SETD2: variants seen among roughly 807,000 people sequenced by gnomAD.
The protein encoded by SETD2 is histone-lysine N-methyltransferase SETD2.
Under a neutral mutation model 242.1 loss-of-function variants are expected in SETD2, and 31 were observed. The observed-to-expected ratio is 0.13, with a 90% CI of 0.10 to 0.17. SETD2 has a LOEUF of 0.17. SETD2 is among the 10% of genes least tolerant of loss of function. The pLI is 1.00. For missense variants in SETD2, 2,481 were observed against 3,046.3 expected (o/e 0.81, Z 4.37); for synonymous variants, 1,006 against 1,066.5 (o/e 0.94, Z 1.11).
chr3:47,141,924 T>C (rs2043738681), intron 1 of SETD2, among the ~76,000 whole-genome samples: 1 of 152,072 alleles, frequency 6.6e-6, no homozygotes, highest in Admixed American at 6.6e-5. Context: ...TCAAGTCAAC[T>C]AACACAACTA....
At chr3:47,056,610 C>A (rs2040092461) in intron 15 of SETD2, among the ~76,000 whole-genome samples, 1 of 152,138 alleles carries the variant, frequency 6.6e-6, no homozygotes, top group Non-Finnish European at 1.5e-5. Flanking sequence ...AAACCCTGAG[C>A]CAGATCCACC....
intron 15 of SETD2, among the ~76,000 whole-genome samples, chr3:47,049,829 A>G (rs1323846619): frequency 6.2e-5 from 9 of 144,510 alleles, no homozygotes; most frequent in Non-Finnish European, 1.1e-4. Flanking sequence ...ATATATATAA[A>G]CTTATTCTGA....
chr3:47,025,019 G>T (rs1369556852), intron 18 of SETD2, among the ~76,000 whole-genome samples: 1 of 152,144 alleles, frequency 6.6e-6, no homozygotes, highest in Non-Finnish European at 1.5e-5. Flanking sequence ...ACTCTTCAAA[G>T]AATTATCTGA....
rs766193321 is a variant in SETD2 at position 47,046,509 on chromosome 3, C to T, written c.7076G>A (p.Gly2359Glu). The T allele has an allele frequency of 1.9e-6, 3 of 1,607,886 alleles. No homozygotes were observed. Among genetic ancestry groups the T allele is most frequent in the Non-Finnish European group, 2.5e-6 (3 of 1,176,570 alleles). ...TACTGGCTGCAAGGGCTGAGGCTGC[C>T]CTGGTGCAACTATTGTAGTCACTGC... The part of the protein sequence containing the change: ...AAAVTTIVAP[G>E]QPQPLQPSEM... Residue 2359 changes from glycine (G) to glutamate (E), a missense_variant, in exon 16 of 21, where the codon GGG becomes GAG. Gly to Glu is a moderately conservative substitution (Grantham distance 98). Transcript: ENST00000409792.
At chr3:47,155,001 A>C (rs1397938332) in intron 1 of SETD2, among the ~76,000 whole-genome samples, 2 of 152,252 alleles carry the variant, frequency 1.3e-5, no homozygotes, top group African/African-American at 4.8e-5. Context: ...CTCAAAAAAA[A>C]AAAAATCTTA....
intron 1 of SETD2, among the ~76,000 whole-genome samples, chr3:47,159,076 G>C (rs957442356): frequency 6.6e-6 from 1 of 151,888 alleles, no homozygotes; most frequent in Admixed American, 6.6e-5. Flanking sequence ...CCAGGCTGAA[G>C]ACCAGCCTGG....
At chr3:47,039,993 T>C (rs2039205192) in intron 17 of SETD2, among the ~76,000 whole-genome samples, 1 of 152,054 alleles carries the variant, frequency 6.6e-6, no homozygotes, top group Non-Finnish European at 1.5e-5. Context: ...TTTTTGTTTT[T>C]TGAGATAGAG....
At chr3:47,027,412 G>C (rs375741987) in intron 18 of SETD2, among the ~76,000 whole-genome samples, 141 of 151,632 alleles carry the variant, frequency 9.3e-4, no homozygotes, top group African/African-American at 3.2e-3. Flanking sequence ...GGACTGTTGT[G>C]GGGTGGGTTG....
At chr3:47,026,093 T>C (rs2038463378) in intron 18 of SETD2, among the ~76,000 whole-genome samples, 2 of 152,080 alleles carry the variant, frequency 1.3e-5, no homozygotes, top group African/African-American at 4.8e-5. Flanking sequence ...TACAAAGAAC[T>C]TAAACAAATT....
intron 3 of SETD2, 30 bp from the exon 4 acceptor site, chr3:47,116,784 T>C: frequency 6.9e-7 from 1 of 1,443,132 alleles, no homozygotes; most frequent in Non-Finnish European, 9.6e-7. Flanking sequence ...AAAAACTGAT[T>C]AAATAAATTT....
rs369799172 is a variant in SETD2, at chr3:47,124,420, C to T, written c.216G>A (p.Lys72=). 9.0e-6 allele frequency: 14 copies of T among 1,551,852 alleles called. No individual in the cohort carries two copies. The African/African-American group carries it at 1.9e-4, about 21-fold the overall frequency. Residue 72 remains lysine, a synonymous_variant, in exon 3 of 21, where the codon AAG becomes AAA. Coordinates refer to ENST00000409792, the MANE Select transcript of SETD2 (RefSeq NM_014159.7). ...KVNLEEQGRQ[K]VSFSFSLTKK... ...TTGTAAGGCTGAAGCTGAATGACAC[C>T]TTCTGTCGTCCCTGTTCTTCCAAAT...
At chr3:47,157,551 A>T (rs1405912406) in intron 1 of SETD2, 3 of 455,892 alleles carry the variant, frequency 6.6e-6, no homozygotes, top group Non-Finnish European at 1.3e-5. Context: ...CGTTCTTTCT[A>T]GCTGACTTGT....
chr3:47,051,726 T>C (rs1412323256), intron 15 of SETD2, among the ~76,000 whole-genome samples: 1 of 151,734 alleles, frequency 6.6e-6, no homozygotes, highest in African/African-American at 2.4e-5. Context: ...CGAATTCTAG[T>C]TTTGAAAAAA....
intron 12 of SETD2, among the ~76,000 whole-genome samples, chr3:47,067,406 CTTTTT>C (rs548953692): frequency 3.6e-5 from 3 of 83,900 alleles, no homozygotes; most frequent in African/African-American, 1.0e-4. Context: ...TCCTGAGCAT[CTTTTT>C]TTTTTTTTTT....
intron 12 of SETD2, among the ~76,000 whole-genome samples, chr3:47,075,252 GA>G (rs939450560): frequency 1.3e-4 from 19 of 151,744 alleles, no homozygotes; most frequent in African/African-American, 4.4e-4. Context: ...TTCTAAATCA[GA>G]AGCAGATTAA....
chr3:47,050,666 C>G (rs1405633510), intron 15 of SETD2, among the ~76,000 whole-genome samples: 2 of 150,352 alleles, frequency 1.3e-5, no homozygotes, highest in Non-Finnish European at 1.5e-5. Flanking sequence ...ATACAAAACA[C>G]TTCAGGTCCC....
chr3:47,084,058 C>A lies in SETD2; in HGVS notation c.5722G>T (p.Asp1908Tyr). The change falls in exon 12 of 21, where the codon GAT (aspartate) becomes TAT (tyrosine). Residue 1908 changes from aspartate (D) to tyrosine (Y), a missense_variant. Physicochemically the swap from Asp to Tyr is radical, Grantham distance 160. This residue lies in a region of SETD2 where 203 missense variants were observed against 222.4 expected (regional missense o/e 0.91). Transcript: ENST00000409792. ...GGGACATTTTCTAATTGATCAAGAT[C>A]CTCTTTGCCATCCTTGCCTTCTAGC... is the stretch of plus-strand genomic sequence containing the variant. ...SELEGKDGKE[D>Y]LDQLENVPVE... 6.2e-7 allele frequency: 1 copy of A among 1,614,148 alleles called. No homozygotes were observed. Among genetic ancestry groups the A allele is most frequent in the South Asian group, 1.1e-5 (1 of 91,086 alleles).
At chr3:47,103,238 A>G in intron 7 of SETD2, 108 bp downstream of exon 7, 1 of 710,960 alleles carries the variant, frequency 1.4e-6, no homozygotes, top group Non-Finnish European at 2.5e-6. Context: ...TAGAATAGGA[A>G]AAAGGGACTA....
chr3:47,094,119 T>C (rs1380525670), intron 9 of SETD2, among the ~76,000 whole-genome samples: 3 of 152,206 alleles, frequency 2.0e-5, no homozygotes, highest in African/African-American at 7.2e-5. Flanking sequence ...CTTTATTACA[T>C]AAATTATTAT....
Sources: allele counts gnomAD v4.1 joint callset (sites outside exome capture counted in the v4.1 genomes callset), GRCh38; gene constraint gnomAD v4.1.1; regional missense constraint gnomAD v4.1.1; transcripts MANE v1.5; gene names NCBI Gene and HGNC (gene_info 2026-07-23, HGNC 2026-07-21).